The following BNIP3L variants were observed in gnomAD, a reference collection of about 807,000 sequenced individuals.
BNIP3L encodes the protein BCL2/adenovirus E1B 19 kDa protein-interacting protein 3-like.
BNIP3L carries 10 observed loss-of-function variants against 25.5 expected under a neutral mutation model. The observed-to-expected ratio is 0.39, with a 90% CI of 0.24 to 0.67. BNIP3L has a LOEUF of 0.67. Ranked by LOEUF, BNIP3L falls within the 30% of genes least tolerant of loss-of-function variation. The probability of loss-of-function intolerance (pLI) is 0.45; values close to 1 mark genes in which losing one functional copy is unlikely to be tolerated. For synonymous variants in BNIP3L, 113 were observed against 101.2 expected (o/e 1.12, Z -0.70); for missense variants, 215 against 270.9 (o/e 0.79, Z 1.45).
intron 3 of BNIP3L, among the ~76,000 whole-genome samples, chr8:26,405,585 A>G (rs971722136): frequency 2.6e-5 from 4 of 152,222 alleles, no homozygotes; most frequent in African/African-American, 7.2e-5. Flanking sequence ...AGACCTGTCA[A>G]GAGTCATGTG....
intron 3 of BNIP3L, among the ~76,000 whole-genome samples, chr8:26,396,649 G>C (rs1308049788): frequency 1.3e-5 from 2 of 151,406 alleles, no homozygotes; most frequent in Admixed American, 1.3e-4. Context: ...GCTGAGAGAA[G>C]AAGGCTTCAG....
rs900810197 is a variant in BNIP3L at position 26,412,845 on chromosome 8, C to T, written c.*2433C>T. 16 of 152,566 alleles carry T rather than the reference C, an allele frequency of 1.0e-4. No individual in the cohort carries two copies. Among genetic ancestry groups the T allele is most frequent in the Admixed American group, 6.5e-5 (1 of 15,278 alleles). The allele number at this position is 152,566 out of a possible 1,614,324, so 9.5% of individuals were successfully genotyped here. ...GGCTCAAGATGTTTGTAAATAGAAT[C>T]AAGAGCAAAACTGCACAAACTTGCA... On this transcript the variant is annotated 3_prime_UTR_variant, in exon 6 of 6. Transcript: ENST00000380629.
intron 1 of BNIP3L, among the ~76,000 whole-genome samples, chr8:26,389,641 A>G (rs1585430754): frequency 6.6e-6 from 1 of 152,246 alleles, no homozygotes; most frequent in East Asian, 1.9e-4. Context: ...ATTCTAGTGT[A>G]TAACTGAGCA....
At chr8:26,389,962 T>A (rs1806069399) in intron 1 of BNIP3L, among the ~76,000 whole-genome samples, 1 of 152,216 alleles carries the variant, frequency 6.6e-6, no homozygotes, top group African/African-American at 2.4e-5. Flanking sequence ...ACACTTCTGC[T>A]GGGAGTTTAG....
rs1352251806 is a variant in BNIP3L at position 26,411,788 on chromosome 8, G to A, written c.*1376G>A. The A allele has an allele frequency of 6.6e-6, 1 of 152,572 alleles. No individual in the cohort carries two copies. Among genetic ancestry groups the A allele is most frequent in the Non-Finnish European group, 1.5e-5 (1 of 68,024 alleles). The allele number at this position is 152,572 out of a possible 1,614,324, so 9.5% of individuals were successfully genotyped here. Reference sequence around the variant, plus strand: ...CAGAACATCTAGCATGACTCTGAAGGATACCACATGTTTTATATATAAATA... The same window carrying A: ...CAGAACATCTAGCATGACTCTGAAGAATACCACATGTTTTATATATAAATA... On this transcript the variant is annotated 3_prime_UTR_variant, in exon 6 of 6. Coordinates refer to ENST00000380629, the MANE Select transcript of BNIP3L (RefSeq NM_004331.3).
intron 3 of BNIP3L, among the ~76,000 whole-genome samples, chr8:26,397,298 AGAGAGT>A (rs1336305791): frequency 8.0e-5 from 4 of 49,754 alleles, no homozygotes; most frequent in African/African-American, 3.2e-4. Flanking sequence ...ACAAGCCAGA[AGAGAGT>A]GGGGGCCAAT....
At chr8:26,392,279 G>A (rs1254841209) in intron 2 of BNIP3L, among the ~76,000 whole-genome samples, 1 of 150,994 alleles carries the variant, frequency 6.6e-6, no homozygotes, top group Non-Finnish European at 1.5e-5. Context: ...ATGACCTTCT[G>A]GGTGGTTGTT....
chr8:26,392,045 T>C (rs114397129), intron 2 of BNIP3L, among the ~76,000 whole-genome samples: 1 of 152,366 alleles, frequency 6.6e-6, no homozygotes, highest in African/African-American at 2.4e-5. Context: ...GACCTCATTT[T>C]TCTATATTTG....
chr8:26,385,428 C>T (rs1253857396), intron 1 of BNIP3L, among the ~76,000 whole-genome samples: 2 of 151,894 alleles, frequency 1.3e-5, no homozygotes, highest in Non-Finnish European at 2.9e-5. Flanking sequence ...GAGAGAACAA[C>T]CCCCTCTCTA....
intron 1 of BNIP3L, among the ~76,000 whole-genome samples, chr8:26,387,647 A>AATTAATATGTAGCCTCTTAATATCTTC (rs1806020347): frequency 6.6e-6 from 1 of 152,212 alleles, no homozygotes; most frequent in Admixed American, 6.5e-5. Flanking sequence ...TTTATGTGTT[A>AATTAATATGTAGCCTCTTAATATCTTC]CTCAAAAGAT....
chr8:26,405,605 G>C (rs933241363), intron 3 of BNIP3L, among the ~76,000 whole-genome samples: 1 of 152,166 alleles, frequency 6.6e-6, no homozygotes, highest in African/African-American at 2.4e-5. Context: ...GAATATGTCA[G>C]ACTCTGCATT....
chr8:26,391,264 T>A lies in BNIP3L; in HGVS notation c.122T>A (p.Met41Lys), dbSNP rs776414316. 6.2e-7 allele frequency: 1 copy of A among 1,609,540 alleles called. No individual in the cohort carries two copies. Among genetic ancestry groups the A allele is most frequent in the Admixed American group, 1.7e-5 (1 of 59,350 alleles). ...ACAGGTTCCTGGGTGGAGCTACCCA[T>A]GAACAGCAGCAATGGCAATGATAAT... Reference protein sequence around the residue: ...GLNSSWVELPMNSSNGNDNGN... With the variant: ...GLNSSWVELPKNSSNGNDNGN... The change falls in exon 2 of 6, where the codon ATG becomes AAG. Residue 41 changes from methionine (M) to lysine (K), a missense_variant. By Grantham distance (95) the Met-to-Lys change is moderately conservative. Coordinates refer to ENST00000380629, the MANE Select transcript of BNIP3L (RefSeq NM_004331.3).
chr8:26,405,267 G>A (rs1181266129), intron 3 of BNIP3L, among the ~76,000 whole-genome samples: 1 of 152,232 alleles, frequency 6.6e-6, no homozygotes, highest in East Asian at 1.9e-4. Context: ...GAAGCGACCT[G>A]CAGTGTGTTG....
intron 1 of BNIP3L, chr8:26,390,310 T>C (rs1356853073): frequency 1.0e-6 from 1 of 966,566 alleles, no homozygotes; most frequent in East Asian, 1.1e-4. Flanking sequence ...ATCAGACCAA[T>C]AAATATTTTC....
intron 3 of BNIP3L, among the ~76,000 whole-genome samples, chr8:26,407,781 G>T (rs1246792156): frequency 6.6e-6 from 1 of 152,206 alleles, no homozygotes; most frequent in Non-Finnish European, 1.5e-5. Context: ...GCTGTGCTTA[G>T]ATATCCCAAC....
rs1388618813 is a variant in BNIP3L at position 26,410,932 on chromosome 8, A to C, written c.*520A>C. 2.0e-5 allele frequency: 3 copies of C among 152,218 alleles called. No homozygotes were observed. Among genetic ancestry groups the C allele is most frequent in the African/African-American group, 4.8e-5 (2 of 41,344 alleles). The allele number at this position is 152,218 out of a possible 1,614,324, so 9.4% of individuals were successfully genotyped here. A position where few individuals can be genotyped will look rare whatever the true frequency, so the allele number is the denominator to read the frequency against. ...AGTTATTAAAAAGAAAACAAAACAAAAAAAAAAGGCAAGGCACAACAAAAA... is the reference window on the plus strand; with the variant it reads ...AGTTATTAAAAAGAAAACAAAACAACAAAAAAAGGCAAGGCACAACAAAAA... On this transcript the variant is annotated 3_prime_UTR_variant, in exon 6 of 6. Transcript: ENST00000380629.
chr8:26,406,213 A>G (rs552915865), intron 3 of BNIP3L, among the ~76,000 whole-genome samples: 1 of 152,342 alleles, frequency 6.6e-6, no homozygotes, highest in Admixed American at 6.5e-5. Flanking sequence ...ATTTTATTTG[A>G]TATGACACAT....
Position 26,388,335 on chromosome 8 carries a change from A to G in BNIP3L, c.101-2908A>G, listed in dbSNP as rs558267290. 2.6e-5 allele frequency among the ~76,000 whole-genome samples: 4 copies of G among 152,334 alleles called. No homozygotes were observed. The East Asian group carries it at 5.8e-4, about 22-fold the overall frequency. On this transcript the variant is annotated intron_variant, in intron 1 of 5. Transcript: ENST00000380629. ...ATCCTCCTAACAAAGTCTTCGAGGT[A>G]GATACAGTTATTATCTCTATTTTAT...
Position 26,400,078 on chromosome 8 carries a change from T to C in BNIP3L, c.357+4776T>C, listed in dbSNP as rs1474861034. Reference sequence around the variant, plus strand: ...GGAAAAAACTACTTTAAAGTTCATATGGAACCAAAAAAGAGCCTGCATCGC... The same window carrying C: ...GGAAAAAACTACTTTAAAGTTCATACGGAACCAAAAAAGAGCCTGCATCGC... On this transcript the variant is annotated intron_variant, in intron 3 of 5. Transcript: ENST00000380629. 2.0e-5 allele frequency among the ~76,000 whole-genome samples: 3 copies of C among 149,978 alleles called. No homozygotes were observed. The East Asian group carries it at 6.0e-4, about 30-fold the overall frequency.
Sources: allele counts gnomAD v4.1 joint callset (sites outside exome capture counted in the v4.1 genomes callset), GRCh38; gene constraint gnomAD v4.1.1; transcripts MANE v1.5; gene names NCBI Gene and HGNC (gene_info 2026-07-23, HGNC 2026-07-21).